The following PRICKLE1 variants were observed in gnomAD, a reference collection of about 807,000 sequenced individuals.
PRICKLE1 encodes prickle-like protein 1.
In PRICKLE1, 14 loss-of-function variants were observed where a neutral mutation model predicts 70.2. That is an observed-to-expected ratio of 0.20 (90% CI 0.13 to 0.31). The LOEUF (loss-of-function observed/expected upper bound fraction) is 0.31, where lower values mean the gene tolerates loss of function less well. Ranked by LOEUF, PRICKLE1 falls within the 10% of genes least tolerant of loss-of-function variation. PRICKLE1 has a pLI of 1.00. For missense variants in PRICKLE1, 821 were observed against 1,026.2 expected (o/e 0.80, Z 2.73); for synonymous variants, 357 against 379.9 (o/e 0.94, Z 0.70).
intron 1 of PRICKLE1, among the ~76,000 whole-genome samples, chr12:42,568,362 G>C (rs1300524997): frequency 1.3e-5 from 2 of 152,168 alleles, no homozygotes; most frequent in African/African-American, 4.8e-5. Flanking sequence ...TTCTTGTAGA[G>C]ACTGGGTTTT....
At chr12:42,524,170 T>C (rs1056084374) in intron 1 of PRICKLE1, among the ~76,000 whole-genome samples, 7 of 152,226 alleles carry the variant, frequency 4.6e-5, no homozygotes, top group African/African-American at 1.7e-4. Flanking sequence ...TTGTTTTGTA[T>C]ACAATATTTG....
chr12:42,505,492 G>A (rs1939392983), intron 1 of PRICKLE1, among the ~76,000 whole-genome samples: 1 of 152,162 alleles, frequency 6.6e-6, no homozygotes, highest in South Asian at 2.1e-4. Flanking sequence ...CTGGAGTGCA[G>A]TGGTGTGATC....
intron 1 of PRICKLE1, among the ~76,000 whole-genome samples, chr12:42,580,262 A>G (rs1157893454): frequency 1.3e-5 from 2 of 152,156 alleles, no homozygotes; most frequent in Non-Finnish European, 2.9e-5. Flanking sequence ...TCATTCAACA[A>G]ATAAGGATGC....
In PRICKLE1 at chr12:42,569,997, G is replaced by A. The variant is rs138269473; in HGVS notation, c.-49+19468C>T. Among the ~76,000 whole-genome samples the A allele has an allele frequency of 1.2e-4, 18 of 152,356 alleles. No homozygotes were observed. In the East Asian group the frequency reaches 2.7e-3, roughly 23 times the overall value. On this transcript the variant is annotated intron_variant, in intron 1 of 7. Coordinates refer to ENST00000345127, the MANE Select transcript of PRICKLE1 (RefSeq NM_153026.3). ...ATCAATTCGAAATCAATGTCCCAGCGTGATGTTAGGTGGCACTGTGCTAAT... is the reference window on the plus strand; with the variant it reads ...ATCAATTCGAAATCAATGTCCCAGCATGATGTTAGGTGGCACTGTGCTAAT...
In PRICKLE1 at chr12:42,465,136, T is replaced by G. The variant is rs1938042825; in HGVS notation, c.898A>C (p.Ile300Leu). The part of the protein sequence containing the change: ...GCPFLPKQGQ[I>L]YCSKTCSLGE... The stretch of plus-strand genomic sequence containing the variant: ...AGACTGCACGTTTTTGAGCAGTAAA[T>G]CTGACCCTGTTTGGGAAGGAAGGGA... The change falls in exon 7 of 8, where the codon ATT (isoleucine) becomes CTT (leucine). Residue 300 changes from isoleucine (I) to leucine (L), a missense_variant. Coordinates refer to ENST00000345127, the MANE Select transcript of PRICKLE1 (RefSeq NM_153026.3). 5 of 1,581,792 alleles carry G rather than the reference T, an allele frequency of 3.2e-6. No homozygotes were observed. Among genetic ancestry groups the G allele is most frequent in the Non-Finnish European group, 4.3e-6 (5 of 1,168,578 alleles).
At chr12:42,537,805 C>G (rs898919907) in intron 1 of PRICKLE1, among the ~76,000 whole-genome samples, 4 of 152,162 alleles carry the variant, frequency 2.6e-5, no homozygotes, top group Admixed American at 6.5e-5. Context: ...AGATACACTC[C>G]CAAAATGGCA....
chr12:42,481,803 C>A (rs1457867870), intron 1 of PRICKLE1, among the ~76,000 whole-genome samples: 1 of 152,168 alleles, frequency 6.6e-6, no homozygotes, highest in Non-Finnish European at 1.5e-5. Context: ...TAACTTCAAT[C>A]GAGATGTGAA....
intron 1 of PRICKLE1, among the ~76,000 whole-genome samples, chr12:42,477,700 T>C (rs1305033041): frequency 1.3e-5 from 2 of 151,846 alleles, no homozygotes; most frequent in Non-Finnish European, 2.9e-5. Flanking sequence ...CAAAACATCA[T>C]GCTTTAAGCC....
chr12:42,542,782 G>A (rs1421236278), intron 1 of PRICKLE1, among the ~76,000 whole-genome samples: 2 of 152,104 alleles, frequency 1.3e-5, no homozygotes, highest in Non-Finnish European at 2.9e-5. Context: ...CTTACAGAAG[G>A]GCCCACATTC....
chr12:42,551,372 A>T (rs959648558), intron 1 of PRICKLE1, among the ~76,000 whole-genome samples: 1 of 152,222 alleles, frequency 6.6e-6, no homozygotes, highest in Non-Finnish European at 1.5e-5. Flanking sequence ...TTTACTTCCT[A>T]GCAAACAGGA....
chr12:42,480,563 A>G (rs1202383750), intron 1 of PRICKLE1, among the ~76,000 whole-genome samples: 3 of 152,238 alleles, frequency 2.0e-5, no homozygotes, highest in African/African-American at 4.8e-5. Flanking sequence ...TTATTTCGTT[A>G]TGCTATTTTG....
chr12:42,509,049 A>C (rs1010494247), intron 1 of PRICKLE1, among the ~76,000 whole-genome samples: 1 of 152,232 alleles, frequency 6.6e-6, no homozygotes, highest in African/African-American at 2.4e-5. Context: ...AAGTAGAAAC[A>C]ATTGCATGTG....
chr12:42,543,306 T>C (rs1197673973), intron 1 of PRICKLE1, among the ~76,000 whole-genome samples: 2 of 152,120 alleles, frequency 1.3e-5, no homozygotes, highest in African/African-American at 4.8e-5. Flanking sequence ...CAGTTGACAC[T>C]TGAACAATGT....
chr12:42,463,081 G>A lies in PRICKLE1; in HGVS notation c.1639+1314C>T, dbSNP rs183725100. Among the ~76,000 whole-genome samples, 405 of 152,316 alleles carry A rather than the reference G, an allele frequency of 2.7e-3. 1 individual carries two copies. The highest frequency in any genetic ancestry group is 9.3e-3 in the African/African-American group (387 of 41,576). On this transcript the variant is annotated intron_variant, in intron 7 of 7. Transcript: ENST00000345127. ...CACACCTGTAATCCCAGCACTTTGG[G>A]AGGCCAAGGCAGGTGGATCACCTGA... is the stretch of plus-strand genomic sequence containing the variant.
intron 1 of PRICKLE1, among the ~76,000 whole-genome samples, chr12:42,560,477 C>G (rs1220168552): frequency 6.6e-6 from 1 of 151,384 alleles, no homozygotes; most frequent in Non-Finnish European, 1.5e-5. Flanking sequence ...CATGAGTATT[C>G]AAACTTATAC....
intron 1 of PRICKLE1, among the ~76,000 whole-genome samples, chr12:42,549,447 A>G (rs992586479): frequency 1.3e-5 from 2 of 152,170 alleles, no homozygotes; most frequent in Non-Finnish European, 2.9e-5. Flanking sequence ...TTCTCAGGTT[A>G]GGGTTTACTA....
chr12:42,523,756 A>G (rs1413984741), intron 1 of PRICKLE1, among the ~76,000 whole-genome samples: 1 of 152,216 alleles, frequency 6.6e-6, no homozygotes, highest in East Asian at 1.9e-4. Flanking sequence ...CTATATACAG[A>G]CTTATCCAGT....
intron 1 of PRICKLE1, among the ~76,000 whole-genome samples, chr12:42,575,151 A>G (rs1458046764): frequency 1.3e-5 from 2 of 152,130 alleles, no homozygotes; most frequent in East Asian, 1.9e-4. Context: ...TAAAGAGTAA[A>G]TAAGTTCAGA....
intron 1 of PRICKLE1, among the ~76,000 whole-genome samples, chr12:42,486,704 G>T (rs1938996755): frequency 6.6e-6 from 1 of 152,256 alleles, no homozygotes; most frequent in African/African-American, 2.4e-5. Context: ...TCTGCTCCTT[G>T]CCTTCATTTT....
Sources: allele counts gnomAD v4.1 joint callset (sites outside exome capture counted in the v4.1 genomes callset), GRCh38; gene constraint gnomAD v4.1.1; transcripts MANE v1.5; gene names NCBI Gene and HGNC (gene_info 2026-07-23, HGNC 2026-07-21).